The following MINDY2 variants were observed in gnomAD, a reference collection of about 807,000 sequenced individuals.
The protein encoded by MINDY2 is MINDY lysine 48 deubiquitinase 2, also known as ubiquitin carboxyl-terminal hydrolase MINDY-2.
A neutral mutation model predicts 68.2 loss-of-function variants in MINDY2; 52 were observed. That is an observed-to-expected ratio of 0.76 (90% confidence interval 0.61 to 0.96). MINDY2 has a LOEUF of 0.96. Among genes scored for constraint, MINDY2 ranks in the 40% least tolerant of loss-of-function variants. MINDY2 has a pLI of 0.00. For missense variants in MINDY2, 881 were observed against 773.4 expected, an observed-to-expected ratio of 1.14 and a Z score of -1.65; for synonymous variants, 372 against 303.0, an observed-to-expected ratio of 1.23 and a Z score of -2.36.
At position 58,782,911 on chromosome 15, in the gene MINDY2, G is replaced by GTTTTTTTTTTTTTTTTTTTTTT. The variant is rs1157376592; in HGVS notation, c.841-4990_841-4969dup. 2.9e-4 allele frequency among the ~76,000 whole-genome samples: 19 copies of GTTTTTTTTTTTTTTTTTTTTTT among 64,494 alleles called. 2 individuals are homozygous for GTTTTTTTTTTTTTTTTTTTTTT. The highest frequency in any genetic ancestry group is 8.7e-4 in the South Asian group (1 of 1,150). 42.3% of individuals were successfully genotyped at this position (64,494 alleles called of 152,430 possible). On this transcript the variant is annotated intron_variant, in intron 1 of 8. Transcript: ENST00000559228. ...TCAATATATTTAATTTTTTCTCTCT[G>GTTTTTTTTTTTTTTTTTTTTTT]TTTTTTTTTTTTTTTTTTTTTTTTT... is the stretch of plus-strand genomic sequence containing the variant.
intron 3 of MINDY2, 101 bp downstream of exon 3, chr15:58,802,478 G>C (rs1344475186): frequency 3.1e-5 from 22 of 704,012 alleles, no homozygotes; most frequent in African/African-American, 3.0e-4. Context: ...GGATTAGATA[G>C]TAAACACTTT....
chr15:58,798,457 A>AT (rs1567048038), intron 2 of MINDY2, among the ~76,000 whole-genome samples: 13 of 104,674 alleles, frequency 1.2e-4, no homozygotes, highest in African/African-American at 3.8e-4. Context: ...AGTAAAAAAA[A>AT]ATTTTTTTTT....
At chr15:58,816,382 C>T (rs2030690680) in intron 4 of MINDY2, among the ~76,000 whole-genome samples, 1 of 151,944 alleles carries the variant, frequency 6.6e-6, no homozygotes, top group African/African-American at 2.4e-5. Context: ...AGCCTGAATT[C>T]TTTTTTTTAT....
intron 6 of MINDY2, among the ~76,000 whole-genome samples, chr15:58,844,003 A>AC (rs147989427): frequency 0.036 from 5,204 of 144,500 alleles, 254 homozygotes; most frequent in African/African-American, 0.11. Context: ...ATGCATTAAA[A>AC]CCTATTCTAT....
chr15:58,781,289 C>T lies in MINDY2; in HGVS notation c.841-6617C>T, dbSNP rs572343460. 2.6e-4 allele frequency among the ~76,000 whole-genome samples: 39 copies of T among 152,080 alleles called. No individual in the cohort carries two copies. In the South Asian group the frequency reaches 6.6e-3, roughly 26 times the overall value. On this transcript the variant is annotated intron_variant, in intron 1 of 8. Coordinates refer to ENST00000559228, the MANE Select transcript of MINDY2 (RefSeq NM_001040450.3). ...CTGGTCTTGAACTCCTGACCTCAGG[C>T]GATCAGCCCACCTTGGCCTCCCAAA... is the stretch of plus-strand genomic sequence containing the variant.
intron 1 of MINDY2, among the ~76,000 whole-genome samples, chr15:58,778,361 A>G (rs1306198814): frequency 6.6e-6 from 1 of 152,090 alleles, no homozygotes. Flanking sequence ...TTCTTTGCTT[A>G]GTATAAGCTG....
chr15:58,806,225 C>G (rs1368304573), intron 3 of MINDY2, among the ~76,000 whole-genome samples: 1 of 152,186 alleles, frequency 6.6e-6, no homozygotes, highest in Non-Finnish European at 1.5e-5. Flanking sequence ...AGGCATGTGC[C>G]ACCACTCCTG....
rs2033007817 is a variant in MINDY2, at chr15:58,854,897, C to T, written c.*287C>T. On this transcript the variant is annotated 3_prime_UTR_variant, in exon 9 of 9. Coordinates refer to ENST00000559228, the MANE Select transcript of MINDY2 (RefSeq NM_001040450.3). ...TAGCAAATCACAGCAAATTTTGTGT[C>T]ATAGTGACATTCATAACTCATATCA... 1 of 224,324 alleles carries T rather than the reference C, an allele frequency of 4.5e-6. No homozygotes were observed. The highest frequency in any genetic ancestry group is 5.1e-5 in the Admixed American group (1 of 19,654). The allele number at this position is 224,324 out of a possible 1,614,324, so 13.9% of individuals were successfully genotyped here. A position where few individuals can be genotyped will look rare whatever the true frequency, so the allele number is the denominator to read the frequency against.
At chr15:58,832,284 TG>T (rs2031766579) in intron 6 of MINDY2, among the ~76,000 whole-genome samples, 1 of 150,440 alleles carries the variant, frequency 6.6e-6, no homozygotes, top group African/African-American at 2.4e-5. Context: ...TGGAGTGCAA[TG>T]GCGTGATCTC....
At chr15:58,802,192 A>C (rs1395140742) in intron 2 of MINDY2, 121 bp from the exon 3 acceptor site, 1 of 681,222 alleles carries the variant, frequency 1.5e-6, no homozygotes, top group Non-Finnish European at 2.5e-6. Context: ...TTGGGGAGTC[A>C]ATTTTATATG....
intron 3 of MINDY2, among the ~76,000 whole-genome samples, chr15:58,805,951 G>A (rs1176860623): frequency 6.6e-6 from 1 of 152,140 alleles, no homozygotes; most frequent in African/African-American, 2.4e-5. Context: ...GGCACGTACT[G>A]TGGTCCCAGC....
At chr15:58,826,090 T>C (rs1292149356) in intron 5 of MINDY2, among the ~76,000 whole-genome samples, 3 of 152,086 alleles carry the variant, frequency 2.0e-5, no homozygotes, top group African/African-American at 7.2e-5. Context: ...TTTTTCTTTC[T>C]TCAACTTTTA....
chr15:58,793,365 C>G (rs1902064980), intron 2 of MINDY2, among the ~76,000 whole-genome samples: 1 of 152,056 alleles, frequency 6.6e-6, no homozygotes, highest in Non-Finnish European at 1.5e-5. Flanking sequence ...GGAGGAGAAT[C>G]GCTTGAACCC....
chr15:58,823,178 C>T (rs181117845), intron 5 of MINDY2, among the ~76,000 whole-genome samples: 6 of 144,476 alleles, frequency 4.2e-5, no homozygotes, highest in Non-Finnish European at 7.5e-5. Context: ...ACTCTTGTTG[C>T]CCAGGCTGGA....
At chr15:58,840,307 G>T (rs1289839961) in intron 6 of MINDY2, among the ~76,000 whole-genome samples, 4 of 152,116 alleles carry the variant, frequency 2.6e-5, no homozygotes. Flanking sequence ...GATATTAATT[G>T]ACTTCCTGTT....
At chr15:58,854,010 C>T (rs1281058495) in intron 8 of MINDY2, among the ~76,000 whole-genome samples, 1 of 151,752 alleles carries the variant, frequency 6.6e-6, no homozygotes. Flanking sequence ...TTTGGGAGGC[C>T]AAGGTGGGCG....
At chr15:58,815,913 C>T (rs959112856) in intron 4 of MINDY2, among the ~76,000 whole-genome samples, 1 of 151,168 alleles carries the variant, frequency 6.6e-6, no homozygotes, top group Non-Finnish European at 1.5e-5. Flanking sequence ...CTCTTGACCT[C>T]GTGATCCGTC....
intron 1 of MINDY2, among the ~76,000 whole-genome samples, chr15:58,781,125 C>T (rs1426260392): frequency 2.0e-5 from 3 of 152,128 alleles, no homozygotes; most frequent in Non-Finnish European, 4.4e-5. Flanking sequence ...TCTTGGCTCA[C>T]TGCAACCTCC....
intron 5 of MINDY2, among the ~76,000 whole-genome samples, chr15:58,824,290 A>G (rs2031252312): frequency 6.6e-6 from 1 of 152,186 alleles, no homozygotes; most frequent in African/African-American, 2.4e-5. Flanking sequence ...ATGAAAAACT[A>G]TAGTTAATAT....
Sources: gnomAD v4.1 joint callset for allele counts (sites outside exome capture counted in the v4.1 genomes callset) on GRCh38, gnomAD v4.1.1 for gene constraint, MANE v1.5 for transcripts, NCBI Gene and HGNC (gene_info 2026-07-23, HGNC 2026-07-21) for gene names.